ACER3: variants seen among roughly 807,000 people sequenced by gnomAD.
ACER3 encodes alkCDase 3.
ACER3 carries 16 observed loss-of-function variants against 48.9 expected under a neutral mutation model. The ratio of observed to expected loss-of-function variants is 0.33; its 90% CI spans 0.22 to 0.50. The LOEUF (loss-of-function observed/expected upper bound fraction) is 0.50, where lower values mean the gene tolerates loss of function less well. Among genes scored for constraint, ACER3 ranks in the 20% least tolerant of loss-of-function variants. The pLI, the probability that ACER3 is intolerant of heterozygous loss-of-function variation, is 0.98. For missense variants in ACER3, 227 were observed against 326.0 expected, an observed-to-expected ratio of 0.70 and a Z score of 2.34; for synonymous variants, 109 against 107.8, an observed-to-expected ratio of 1.01 and a Z score of -0.07.
intron 3 of ACER3, among the ~76,000 whole-genome samples, chr11:76,961,393 A>G (rs1346601631): frequency 6.6e-6 from 1 of 152,148 alleles, no homozygotes. Flanking sequence ...TAAATATTTT[A>G]ATACACATAT....
At chr11:76,904,540 C>G (rs1344169636) in intron 1 of ACER3, among the ~76,000 whole-genome samples, 1 of 152,094 alleles carries the variant, frequency 6.6e-6, no homozygotes, top group African/African-American at 2.4e-5. Flanking sequence ...CAAGCTGTAA[C>G]CCAGCCACCC....
intron 2 of ACER3, among the ~76,000 whole-genome samples, chr11:76,949,718 A>G (rs1947585359): frequency 6.6e-6 from 1 of 152,166 alleles, no homozygotes; most frequent in Non-Finnish European, 1.5e-5. Context: ...GTACTTTCTG[A>G]TAAATTGTAG....
chr11:76,970,743 A>G (rs1948276901), intron 3 of ACER3, among the ~76,000 whole-genome samples: 1 of 152,034 alleles, frequency 6.6e-6, no homozygotes, highest in Non-Finnish European at 1.5e-5. Flanking sequence ...ATCATACAAC[A>G]GTAAAAATTC....
intron 7 of ACER3, chr11:77,011,250 T>C: frequency 1.2e-6 from 1 of 803,144 alleles, no homozygotes; most frequent in Non-Finnish European, 1.5e-6. Flanking sequence ...TAGCCTTGCA[T>C]GGACCATGTG....
chr11:77,006,979 A>G (rs1160520536), intron 7 of ACER3, among the ~76,000 whole-genome samples: 1 of 151,888 alleles, frequency 6.6e-6, no homozygotes, highest in Non-Finnish European at 1.5e-5. Context: ...AGGCATTGTG[A>G]TATATACCTG....
chr11:76,990,800 G>A (rs1379543003), intron 6 of ACER3, among the ~76,000 whole-genome samples: 3 of 152,178 alleles, frequency 2.0e-5, no homozygotes, highest in African/African-American at 7.2e-5. Context: ...GGTCCAGCTG[G>A]CTGTTGGTAT....
At chr11:76,963,388 CT>C (rs1328025128) in intron 3 of ACER3, among the ~76,000 whole-genome samples, 1 of 151,464 alleles carries the variant, frequency 6.6e-6, no homozygotes, top group Non-Finnish European at 1.5e-5. Context: ...AGCTTTTCTT[CT>C]TTTGCTTATT....
intron 3 of ACER3, among the ~76,000 whole-genome samples, chr11:76,972,389 A>C (rs1948328559): frequency 6.6e-6 from 1 of 152,176 alleles, no homozygotes. Context: ...GTATATCTTC[A>C]TAGTAGAAAT....
At chr11:76,964,485 C>T (rs1164485246) in intron 3 of ACER3, among the ~76,000 whole-genome samples, 2 of 150,786 alleles carry the variant, frequency 1.3e-5, no homozygotes, top group African/African-American at 5.0e-5. Flanking sequence ...CAGCATGAAG[C>T]TTGAGATCTG....
In ACER3 at chr11:77,023,632, T is replaced by G. The variant is rs1184876453; in HGVS notation, c.*3305T>G. On this transcript the variant is annotated 3_prime_UTR_variant, in exon 11 of 11. Transcript: ENST00000532485. ...AAACTGAGTATTTCAAAGAGAACCA[T>G]TTACAATTGGAATTTCCACCTGTGT... 3 of 158,070 alleles carry G rather than the reference T, an allele frequency of 1.9e-5. No homozygotes were observed. In the Admixed American group the frequency reaches 1.9e-4, roughly 10 times the overall value. 9.8% of individuals were successfully genotyped at this position (158,070 alleles called of 1,614,324 possible).
chr11:76,991,775 C>T (rs1362218397), intron 6 of ACER3, among the ~76,000 whole-genome samples: 2 of 141,372 alleles, frequency 1.4e-5, no homozygotes, highest in Non-Finnish European at 3.0e-5. Context: ...GGGATTGCAC[C>T]ACTGCACTCT....
intron 1 of ACER3, among the ~76,000 whole-genome samples, chr11:76,878,546 A>T (rs1945443945): frequency 6.6e-6 from 1 of 152,094 alleles, no homozygotes; most frequent in Non-Finnish European, 1.5e-5. Context: ...GTGGTATCCC[A>T]CTGTATGAAT....
At chr11:76,976,522 AC>A (rs1948447953) in intron 4 of ACER3, among the ~76,000 whole-genome samples, 181 bp downstream of exon 4, 1 of 152,186 alleles carries the variant, frequency 6.6e-6, no homozygotes, top group Admixed American at 6.5e-5. Context: ...TTGTTTATTA[AC>A]TTTTGTGATC....
intron 3 of ACER3, among the ~76,000 whole-genome samples, chr11:76,963,540 T>C (rs7122736): frequency 0.58 from 87,366 of 150,890 alleles, 28,691 homozygotes; most frequent in Non-Finnish European, 0.74. Context: ...TTTAGTATGT[T>C]AATGAGCATA....
intron 3 of ACER3, among the ~76,000 whole-genome samples, chr11:76,974,085 A>G (rs573927797): frequency 4.6e-5 from 7 of 152,336 alleles, no homozygotes; most frequent in African/African-American, 7.2e-5. Flanking sequence ...TTATATATCT[A>G]TTCTTATGCT....
chr11:76,934,179 G>A (rs1947105263), intron 2 of ACER3, among the ~76,000 whole-genome samples: 1 of 152,022 alleles, frequency 6.6e-6, no homozygotes, highest in Non-Finnish European at 1.5e-5. Flanking sequence ...TGGCGGCCGG[G>A]CAGAGACGCT....
At chr11:76,986,386 G>C (rs77092245) in intron 5 of ACER3, among the ~76,000 whole-genome samples, 1,692 of 152,266 alleles carry the variant, frequency 0.011, 30 homozygotes, top group African/African-American at 0.039. Context: ...TTCAATCAAG[G>C]CTTCATGCAT....
intron 1 of ACER3, among the ~76,000 whole-genome samples, chr11:76,908,399 A>G (rs1946288261): frequency 6.6e-6 from 1 of 152,222 alleles, no homozygotes; most frequent in Non-Finnish European, 1.5e-5. Flanking sequence ...CAACTTCAGC[A>G]AAGTCTCAGG....
Position 76,976,274 on chromosome 11 carries a change from C to A in ACER3, c.268-15C>A. The stretch of plus-strand genomic sequence containing the variant: ...CATGATATTCAAGCCTGTTATCTAT[C>A]TTTGTTTCTTACAGCTATTGGATGA... On this transcript the variant is annotated splice_polypyrimidine_tract_variant and intron_variant, in intron 3 of 10. Coordinates refer to ENST00000532485, the MANE Select transcript of ACER3 (RefSeq NM_018367.7). 6.3e-7 allele frequency: 1 copy of A among 1,591,930 alleles called. No individual in the cohort carries two copies. The highest frequency in any genetic ancestry group is 8.6e-7 in the Non-Finnish European group (1 of 1,163,578).
Sources: gnomAD v4.1 joint callset for allele counts (sites outside exome capture counted in the v4.1 genomes callset) on GRCh38, gnomAD v4.1.1 for gene constraint, MANE v1.5 for transcripts, NCBI Gene and HGNC (gene_info 2026-07-23, HGNC 2026-07-21) for gene names.